The following STX8 variants were observed in gnomAD, a reference collection of about 807,000 sequenced individuals.
STX8 encodes syntaxin 8, also known as syntaxin-8.
Under a neutral mutation model 37.5 loss-of-function variants are expected in STX8, and 23 were observed. That is an observed-to-expected ratio of 0.61 (90% CI 0.44 to 0.87). The LOEUF is 0.87. STX8 is among the 40% of genes least tolerant of loss of function. STX8 has a pLI of 0.00. For synonymous variants in STX8, 115 were observed against 99.1 expected, an observed-to-expected ratio of 1.16 and a Z score of -0.95; for missense variants, 313 against 284.7, an observed-to-expected ratio of 1.10 and a Z score of -0.71.
intron 7 of STX8, among the ~76,000 whole-genome samples, chr17:9,314,078 T>TA (rs1402575972): frequency 1.3e-5 from 2 of 152,230 alleles, no homozygotes; most frequent in Non-Finnish European, 2.9e-5. Flanking sequence ...CCTACTGAAC[T>TA]AAGCTTTCTA....
At chr17:9,545,539 A>G (rs1906470227) in intron 3 of STX8, among the ~76,000 whole-genome samples, 1 of 152,156 alleles carries the variant, frequency 6.6e-6, no homozygotes, top group African/African-American at 2.4e-5. Flanking sequence ...TTTTTCATTG[A>G]GAAATATACC....
chr17:9,360,835 C>A (rs1911038530), intron 7 of STX8, among the ~76,000 whole-genome samples: 1 of 152,094 alleles, frequency 6.6e-6, no homozygotes, highest in Non-Finnish European at 1.5e-5. Context: ...GAGATGCATG[C>A]CTGACTGAGT....
At chr17:9,316,072 G>A (rs540782530) in intron 7 of STX8, among the ~76,000 whole-genome samples, 2 of 151,718 alleles carry the variant, frequency 1.3e-5, no homozygotes, top group Admixed American at 6.6e-5. Context: ...TGAACCTCGT[G>A]ATTCATCAGT....
chr17:9,511,721 C>T (rs1195771961), intron 4 of STX8, among the ~76,000 whole-genome samples: 21 of 152,026 alleles, frequency 1.4e-4, no homozygotes. Flanking sequence ...CAACACAGTA[C>T]TGGAAGTCTT....
At chr17:9,299,476 C>T (rs1418713051) in intron 7 of STX8, among the ~76,000 whole-genome samples, 3 of 145,038 alleles carry the variant, frequency 2.1e-5, no homozygotes, top group Non-Finnish European at 4.5e-5. Flanking sequence ...AAGAGTCTCA[C>T]TCTGTCGCCC....
chr17:9,439,518 C>T (rs1904562991), intron 6 of STX8, among the ~76,000 whole-genome samples: 1 of 151,494 alleles, frequency 6.6e-6, no homozygotes, highest in Non-Finnish European at 1.5e-5. Flanking sequence ...CACTACTGTA[C>T]TTACTGCCAT....
intron 6 of STX8, chr17:9,469,388 AC>A (rs1905755506): frequency 6.6e-6 from 1 of 150,654 alleles, no homozygotes; most frequent in Non-Finnish European, 1.5e-5. Context: ...ACACACATCT[AC>A]CCCTAAAGAT....
At chr17:9,367,179 T>G (rs946793959) in intron 7 of STX8, among the ~76,000 whole-genome samples, 2 of 152,124 alleles carry the variant, frequency 1.3e-5, no homozygotes, top group Admixed American at 6.5e-5. Flanking sequence ...TTTGTTTTTT[T>G]TTTTTTGGTT....
At chr17:9,257,011 G>A (rs747696639) in intron 7 of STX8, among the ~76,000 whole-genome samples, 4 of 152,202 alleles carry the variant, frequency 2.6e-5, no homozygotes, top group Non-Finnish European at 5.9e-5. Flanking sequence ...CACCTGCTGC[G>A]GCTCCTGACT....
intron 1 of STX8, among the ~76,000 whole-genome samples, chr17:9,568,777 G>A (rs761655610): frequency 2.0e-5 from 3 of 152,212 alleles, no homozygotes; most frequent in Non-Finnish European, 4.4e-5. Context: ...GGGATTACAG[G>A]CGTGAGCCCC....
chr17:9,533,756 T>C (rs1597728102), intron 4 of STX8, among the ~76,000 whole-genome samples: 1 of 152,194 alleles, frequency 6.6e-6, no homozygotes, highest in South Asian at 2.1e-4. Context: ...AAGAACAGCG[T>C]TGCTATTGCT....
At chr17:9,434,380 A>C (rs1157059274) in intron 6 of STX8, among the ~76,000 whole-genome samples, 3 of 152,242 alleles carry the variant, frequency 2.0e-5, no homozygotes, top group Non-Finnish European at 4.4e-5. Context: ...CATGAAAACA[A>C]CACAATCAGA....
intron 7 of STX8, among the ~76,000 whole-genome samples, chr17:9,337,388 T>TC (rs1200690823): frequency 6.6e-6 from 1 of 152,200 alleles, no homozygotes; most frequent in Admixed American, 6.5e-5. Flanking sequence ...TTATTTTATT[T>TC]CTTTTTTTGA....
chr17:9,394,159 G>A (rs1002804848), intron 6 of STX8, among the ~76,000 whole-genome samples: 7 of 152,068 alleles, frequency 4.6e-5, no homozygotes, highest in Admixed American at 4.6e-4. Flanking sequence ...GGGCAGCGCC[G>A]CAAGGAAGGG....
chr17:9,415,054 G>A lies in STX8; in HGVS notation c.542-36401C>T, dbSNP rs183470260. ...GGCCCACCCGCCTCGGCCTCCCAAA[G>A]TGCTGGGATTATAGGTGTGAGCCAC... On this transcript the variant is annotated intron_variant, in intron 6 of 7. Transcript: ENST00000306357. Among the ~76,000 whole-genome samples, 93 of 152,152 alleles carry A rather than the reference G, an allele frequency of 6.1e-4. 1 individual carries two copies. In the East Asian group the frequency reaches 0.014, roughly 23 times the overall value.
chr17:9,365,881 G>A (rs956807219), intron 7 of STX8, among the ~76,000 whole-genome samples: 10 of 152,196 alleles, frequency 6.6e-5, no homozygotes, highest in African/African-American at 2.2e-4. Flanking sequence ...GCTGAGGCAG[G>A]AGAATCGTTT....
At chr17:9,424,834 G>C (rs1172210601) in intron 6 of STX8, among the ~76,000 whole-genome samples, 1 of 152,104 alleles carries the variant, frequency 6.6e-6, no homozygotes, top group East Asian at 1.9e-4. Context: ...TATCTTCCGA[G>C]GATGCAAAGA....
chr17:9,370,524 T>C lies in STX8; in HGVS notation c.643+8028A>G, dbSNP rs182650153. Among the ~76,000 whole-genome samples, 3 of 152,282 alleles carry C rather than the reference T, an allele frequency of 2.0e-5. No homozygotes were observed. In the East Asian group the frequency reaches 5.8e-4, roughly 29 times the overall value. Reference sequence around the variant, plus strand: ...GCCCCACCTCCCTAAGAAGATCACATTCAGATGAGCTGAAGGCAGATCCAA... The same window carrying C: ...GCCCCACCTCCCTAAGAAGATCACACTCAGATGAGCTGAAGGCAGATCCAA... On this transcript the variant is annotated intron_variant, in intron 7 of 7. Coordinates refer to ENST00000306357, the MANE Select transcript of STX8 (RefSeq NM_004853.3).
intron 6 of STX8, among the ~76,000 whole-genome samples, chr17:9,394,644 C>T (rs999402418): frequency 1.3e-5 from 2 of 151,154 alleles, no homozygotes; most frequent in African/African-American, 2.4e-5. Context: ...GGATTACAGG[C>T]GTGAGCCACC....
Sources: allele counts gnomAD v4.1 joint callset (sites outside exome capture counted in the v4.1 genomes callset), GRCh38; gene constraint gnomAD v4.1.1; transcripts MANE v1.5; gene names NCBI Gene and HGNC (gene_info 2026-07-23, HGNC 2026-07-21).